The following CSMD1 variants were observed in gnomAD, a reference collection of about 807,000 sequenced individuals.
CSMD1 encodes the protein CUB and Sushi multiple domains 1.
In CSMD1, 213 loss-of-function variants were observed where a neutral mutation model predicts 417.5. That is an observed-to-expected ratio of 0.51 (90% CI 0.46 to 0.57). The LOEUF (loss-of-function observed/expected upper bound fraction) is 0.57. CSMD1 is among the 20% of genes least tolerant of loss of function. The probability of loss-of-function intolerance (pLI) is 0.00; values close to 1 mark genes in which losing one functional copy is unlikely to be tolerated. For missense variants in CSMD1, 6,923 were observed against 4,529.7 expected (o/e 1.53, Z -15.17); for synonymous variants, 2,862 against 1,736.8 (o/e 1.65, Z -16.11).
In CSMD1 at chr8:3,791,001, C is replaced by A. The variant is rs948276470; in HGVS notation, c.819-36959G>T. Reference sequence around the variant, plus strand: ...TCTTCAATTATAGGCAAATGGAATGCAACACCTTCAGGTTATAAAGACTCC... The same window carrying A: ...TCTTCAATTATAGGCAAATGGAATGAAACACCTTCAGGTTATAAAGACTCC... On this transcript the variant is annotated intron_variant, in intron 5 of 69. Transcript: ENST00000635120. Among the ~76,000 whole-genome samples, 9 of 152,180 alleles carry A rather than the reference C, an allele frequency of 5.9e-5. No individual in the cohort carries two copies. The East Asian group carries it at 1.5e-3, about 26-fold the overall frequency.
At chr8:3,458,319 T>G (rs527859423) in intron 12 of CSMD1, among the ~76,000 whole-genome samples, 1 of 152,332 alleles carries the variant, frequency 6.6e-6, no homozygotes, top group East Asian at 1.9e-4. Flanking sequence ...ATTTAAATAT[T>G]TAATAATGGC....
At chr8:4,445,850 T>G (rs766088134) in intron 2 of CSMD1, among the ~76,000 whole-genome samples, 1 of 152,202 alleles carries the variant, frequency 6.6e-6, no homozygotes, top group Non-Finnish European at 1.5e-5. Context: ...ACATCTTCAA[T>G]GCAGAAGTGT....
At chr8:4,975,190 C>G (rs1810477717) in intron 1 of CSMD1, among the ~76,000 whole-genome samples, 1 of 152,114 alleles carries the variant, frequency 6.6e-6, no homozygotes, top group Non-Finnish European at 1.5e-5. Flanking sequence ...TTTTAATTCA[C>G]CACGGTGACT....
intron 50 of CSMD1, among the ~76,000 whole-genome samples, chr8:3,037,966 T>C (rs1393963692): frequency 6.6e-6 from 1 of 152,176 alleles, no homozygotes; most frequent in Non-Finnish European, 1.5e-5. Context: ...CCACTACTGT[T>C]TTTTCCATTT....
intron 3 of CSMD1, among the ~76,000 whole-genome samples, chr8:4,188,626 C>G (rs1798825572): frequency 6.6e-6 from 1 of 152,076 alleles, no homozygotes; most frequent in African/African-American, 2.4e-5. Context: ...AGTAAGATTC[C>G]CGCCTTTTAT....
At chr8:3,628,297 G>C (rs2449218) in intron 7 of CSMD1, among the ~76,000 whole-genome samples, 120,395 of 152,116 alleles carry the variant, frequency 0.79, 47,665 homozygotes, top group Middle Eastern at 0.87. Context: ...AGCAGAGGTT[G>C]CAGCCCATGC....
chr8:4,887,014 T>C (rs1039771772), intron 1 of CSMD1, among the ~76,000 whole-genome samples: 4 of 152,042 alleles, frequency 2.6e-5, no homozygotes, highest in Non-Finnish European at 4.4e-5. Context: ...TTCCTCTTGC[T>C]TGGTTTGTGT....
At chr8:4,987,083 C>G (rs1247072793) in intron 1 of CSMD1, among the ~76,000 whole-genome samples, 1 of 152,172 alleles carries the variant, frequency 6.6e-6, no homozygotes, top group Non-Finnish European at 1.5e-5. Context: ...CCATATTTTA[C>G]TACCTAGCAC....
At chr8:3,981,698 G>C (rs1585073573) in intron 5 of CSMD1, among the ~76,000 whole-genome samples, 1 of 151,906 alleles carries the variant, frequency 6.6e-6, no homozygotes, top group Non-Finnish European at 1.5e-5. Context: ...CCAAAGAAAG[G>C]CTCTTTTGTA....
chr8:4,207,518 C>T (rs1039973923), intron 3 of CSMD1, among the ~76,000 whole-genome samples: 5 of 152,012 alleles, frequency 3.3e-5, no homozygotes, highest in Non-Finnish European at 7.4e-5. Context: ...ATTTCTTAAA[C>T]TGAAGTTTTA....
chr8:3,511,941 T>C (rs1797091977), intron 10 of CSMD1, among the ~76,000 whole-genome samples: 1 of 152,112 alleles, frequency 6.6e-6, no homozygotes, highest in Non-Finnish European at 1.5e-5. Context: ...ATGATGATTT[T>C]TGGTAAAAGT....
chr8:3,780,203 C>T lies in CSMD1; in HGVS notation c.819-26161G>A, dbSNP rs76807679. 5.0e-3 allele frequency among the ~76,000 whole-genome samples: 761 copies of T among 152,332 alleles called. 2 individuals are homozygous for T. The highest frequency in any genetic ancestry group is 8.2e-3 in the Non-Finnish European group (561 of 68,024). Reference sequence around the variant, plus strand: ...GTTAAAAGTTAAAAGCATCCTTTATCTCCCTCTGTAAGTACACTGGCATTA... The same window carrying T: ...GTTAAAAGTTAAAAGCATCCTTTATTTCCCTCTGTAAGTACACTGGCATTA... On this transcript the variant is annotated intron_variant, in intron 5 of 69. Coordinates refer to ENST00000635120, the MANE Select transcript of CSMD1 (RefSeq NM_033225.6).
intron 1 of CSMD1, among the ~76,000 whole-genome samples, chr8:4,717,290 C>T (rs1380643455): frequency 7.3e-6 from 1 of 137,106 alleles, no homozygotes; most frequent in African/African-American, 3.2e-5. Context: ...TCTGACCCTG[C>T]CCTTCTCTCT....
chr8:3,776,738 G>C (rs972394687), intron 5 of CSMD1, among the ~76,000 whole-genome samples: 3 of 148,848 alleles, frequency 2.0e-5, no homozygotes, highest in Non-Finnish European at 4.4e-5. Flanking sequence ...GTAGATGACA[G>C]ATAAAGATAG....
chr8:3,953,041 T>C (rs1811694950), intron 5 of CSMD1, among the ~76,000 whole-genome samples: 1 of 151,736 alleles, frequency 6.6e-6, no homozygotes, highest in Non-Finnish European at 1.5e-5. Flanking sequence ...AAAGACAAAA[T>C]TATAATCAAT....
chr8:3,780,990 C>T (rs189778513), intron 5 of CSMD1, among the ~76,000 whole-genome samples: 7 of 152,136 alleles, frequency 4.6e-5, no homozygotes, highest in Non-Finnish European at 8.8e-5. Context: ...ATATCTGTGA[C>T]ATTTTGTGTG....
intron 2 of CSMD1, among the ~76,000 whole-genome samples, chr8:4,498,765 T>C (rs1054019812): frequency 1.3e-5 from 2 of 152,186 alleles, no homozygotes; most frequent in East Asian, 1.9e-4. Flanking sequence ...CTTCATTTTA[T>C]AGAAGAGGAT....
At chr8:4,444,397 T>A (rs909014993) in intron 2 of CSMD1, among the ~76,000 whole-genome samples, 1 of 133,308 alleles carries the variant, frequency 7.5e-6, no homozygotes. Context: ...TTGGAGTAGG[T>A]CATGCTGAAT....
chr8:4,004,802 T>C (rs1429394947), intron 4 of CSMD1, among the ~76,000 whole-genome samples: 1 of 152,316 alleles, frequency 6.6e-6, no homozygotes, highest in East Asian at 1.9e-4. Flanking sequence ...TGGAGTGCAG[T>C]GGCGCGATCT....
Sources: allele counts gnomAD v4.1 joint callset (sites outside exome capture counted in the v4.1 genomes callset), GRCh38; gene constraint gnomAD v4.1.1; transcripts MANE v1.5; gene names NCBI Gene and HGNC (gene_info 2026-07-23, HGNC 2026-07-21).